The following C12orf54 variants were observed in gnomAD, a reference collection of about 807,000 sequenced individuals.
C12orf54 encodes the protein uncharacterized protein C12orf54.
In C12orf54, 24 loss-of-function variants were observed where a neutral mutation model predicts 26.4. The ratio of observed to expected loss-of-function variants is 0.91; its 90% CI spans 0.66 to 1.28. C12orf54 has a LOEUF of 1.28. Among genes scored for constraint, C12orf54 ranks in the 50% most tolerant of loss-of-function variants. The pLI is 0.00. For synonymous variants in C12orf54, 54 were observed against 47.0 expected (o/e 1.15, Z -0.61); for missense variants, 154 against 150.9 (o/e 1.02, Z -0.11).
chr12:48,438,632 C>T, the C12orf54 span, among the ~76,000 whole-genome samples: 1 of 152,072 alleles, frequency 6.6e-6, no homozygotes, highest in Non-Finnish European at 1.5e-5. Flanking sequence ...TTTGACAAAC[C>T]TGAGAAAAAC....
the C12orf54 span, among the ~76,000 whole-genome samples, chr12:48,423,803 A>G: frequency 6.6e-6 from 1 of 151,818 alleles, no homozygotes; most frequent in African/African-American, 2.4e-5. Flanking sequence ...AGAGAGTGCT[A>G]CTCTTTTCAT....
At chr12:48,449,896 G>A in the C12orf54 span, among the ~76,000 whole-genome samples, 1 of 152,094 alleles carries the variant, frequency 6.6e-6, no homozygotes, top group Non-Finnish European at 1.5e-5. Flanking sequence ...CCCAGGGGGA[G>A]GTAATTGAGT....
At chr12:48,430,725 C>G in the C12orf54 span, among the ~76,000 whole-genome samples, 91 of 152,138 alleles carry the variant, frequency 6.0e-4, no homozygotes, top group African/African-American at 2.1e-3. Context: ...ACAGCCAAGA[C>G]GGAAACAGTG....
chr12:48,472,602 G>C, the C12orf54 span: 21 of 1,591,774 alleles, frequency 1.3e-5, no homozygotes, highest in Non-Finnish European at 1.7e-5. Flanking sequence ...GTGCGGTTGT[G>C]GGTTCGGGGT....
chr12:48,495,048 C>T, intron 8 of C12orf54, 69 bp downstream of exon 8: 3 of 1,181,960 alleles, frequency 2.5e-6, no homozygotes, highest in Non-Finnish European at 3.6e-6. Context: ...GAACCCAGGC[C>T]TCTTAGGCCC....
the C12orf54 span, among the ~76,000 whole-genome samples, chr12:48,452,883 C>T: frequency 6.6e-5 from 10 of 152,050 alleles, no homozygotes; most frequent in Admixed American, 4.6e-4. Flanking sequence ...ATTTTTACAC[C>T]GTTGGTGGGA....
chr12:48,433,259 G>A, the C12orf54 span, among the ~76,000 whole-genome samples: 8 of 152,274 alleles, frequency 5.3e-5, no homozygotes, highest in Middle Eastern at 0.01. Context: ...GTGCTTGTGC[G>A]TTCATGGACC....
chr12:48,436,035 A>G, the C12orf54 span, among the ~76,000 whole-genome samples: 18 of 152,206 alleles, frequency 1.2e-4, no homozygotes, highest in Non-Finnish European at 2.1e-4. Context: ...AGAGACACAC[A>G]TAGGCTCAAA....
the C12orf54 span, among the ~76,000 whole-genome samples, chr12:48,474,677 G>A: frequency 1.3e-5 from 2 of 152,258 alleles, no homozygotes; most frequent in Admixed American, 1.3e-4. Context: ...CTGCAAGGTG[G>A]CAGCAAGGCT....
chr12:48,487,470 T>C (rs1442539091), intron 4 of C12orf54, among the ~76,000 whole-genome samples: 1 of 152,224 alleles, frequency 6.6e-6, no homozygotes, highest in Non-Finnish European at 1.5e-5. Context: ...TTCTGTGACA[T>C]TCAATGACTC....
chr12:48,462,202 T>C, the C12orf54 span, among the ~76,000 whole-genome samples: 1 of 151,602 alleles, frequency 6.6e-6, no homozygotes, highest in Non-Finnish European at 1.5e-5. Context: ...CAAGAAGAAA[T>C]AGATAACTTG....
At chr12:48,441,218 G>A in the C12orf54 span, among the ~76,000 whole-genome samples, 3 of 152,188 alleles carry the variant, frequency 2.0e-5, no homozygotes, top group African/African-American at 4.8e-5. Flanking sequence ...GGCCTTGAAA[G>A]GGCAGAATCT....
chr12:48,443,725 C>G, the C12orf54 span, among the ~76,000 whole-genome samples: 2 of 149,394 alleles, frequency 1.3e-5, no homozygotes, highest in African/African-American at 4.8e-5. Context: ...CCTACTAACC[C>G]TAAAGTGTGG....
At chr12:48,421,179 A>T in the C12orf54 span, among the ~76,000 whole-genome samples, 1 of 152,174 alleles carries the variant, frequency 6.6e-6, no homozygotes, top group African/African-American at 2.4e-5. Flanking sequence ...TAATTGGCTC[A>T]CAGTTCTGCA....
At chr12:48,445,924 CCTTAAATACCT>C in the C12orf54 span, among the ~76,000 whole-genome samples, 1 of 152,042 alleles carries the variant, frequency 6.6e-6, no homozygotes, top group African/African-American at 2.4e-5. Flanking sequence ...GGGAGGGTAC[CCTTAAATACCT>C]CTTAAATACC....
chr12:48,457,483 G>T, the C12orf54 span, among the ~76,000 whole-genome samples: 1 of 151,954 alleles, frequency 6.6e-6, no homozygotes, highest in Non-Finnish European at 1.5e-5. Flanking sequence ...ACAGGTGTCT[G>T]CCACCACACC....
At chr12:48,425,409 G>A in the C12orf54 span, among the ~76,000 whole-genome samples, 7,656 of 151,982 alleles carry the variant, frequency 0.05, 652 homozygotes, top group African/African-American at 0.17. Flanking sequence ...ATATAATCTC[G>A]TTCCTTTTTA....
At chr12:48,474,532 C>T in the C12orf54 span, among the ~76,000 whole-genome samples, 4 of 152,192 alleles carry the variant, frequency 2.6e-5, no homozygotes, top group Non-Finnish European at 5.9e-5. Context: ...AAAATCGGGT[C>T]ACTCCCACCC....
upstream of C12orf54, among the ~76,000 whole-genome samples, chr12:48,482,336 A>G (rs1298552049): frequency 2.0e-5 from 3 of 152,190 alleles, no homozygotes; most frequent in Admixed American, 6.5e-5. Flanking sequence ...CAGAAATTAA[A>G]ATTAAAATCC....
Sources: gnomAD v4.1 joint callset for allele counts (sites outside exome capture counted in the v4.1 genomes callset) on GRCh38, gnomAD v4.1.1 for gene constraint, MANE v1.5 for transcripts, NCBI Gene and HGNC (gene_info 2026-07-23, HGNC 2026-07-21) for gene names.